Variants in LOXHD1 observed in about 807,000 individuals in gnomAD.
LOXHD1 encodes the protein lipoxygenase homology PLAT domains 1.
Under a neutral mutation model 248.2 loss-of-function variants are expected in LOXHD1, and 205 were observed. That is an observed-to-expected ratio of 0.83 (90% CI 0.74 to 0.93). The LOEUF is 0.93. LOXHD1 is among the 40% of genes least tolerant of loss of function. The probability of loss-of-function intolerance (pLI) is 0.00; values close to 1 mark genes in which losing one functional copy is unlikely to be tolerated. For missense variants in LOXHD1, 2,930 were observed against 2,971.6 expected (o/e 0.99, Z 0.33); for synonymous variants, 1,113 against 1,162.8 (o/e 0.96, Z 0.87).
chr18:46,557,533 TC>T (rs1379192032), intron 20 of LOXHD1, 44 bp from the exon 21 acceptor site: 2 of 1,549,378 alleles, frequency 1.3e-6, no homozygotes, highest in Admixed American at 3.9e-5. Flanking sequence ...GACCTACCCC[TC>T]CCCACATGGC....
chr18:46,582,287 A>T (rs2037978632), intron 12 of LOXHD1, among the ~76,000 whole-genome samples: 1 of 152,208 alleles, frequency 6.6e-6, no homozygotes, highest in Admixed American at 6.5e-5. Flanking sequence ...GAAGGGGAAG[A>T]GAACAAACCT....
intron 4 of LOXHD1, among the ~76,000 whole-genome samples, chr18:46,633,380 A>G (rs1041092747): frequency 1.3e-5 from 2 of 152,224 alleles, no homozygotes; most frequent in Admixed American, 6.5e-5. Flanking sequence ...AGGAAGGGAC[A>G]GTCTTTTCAA....
intron 18 of LOXHD1, among the ~76,000 whole-genome samples, chr18:46,561,034 T>G (rs2037519277): frequency 6.6e-6 from 1 of 152,164 alleles, no homozygotes; most frequent in South Asian, 2.1e-4. Context: ...AAATTTTCAG[T>G]GTTAACCGTA....
intron 37 of LOXHD1, among the ~76,000 whole-genome samples, chr18:46,496,684 G>C (rs1351033533): frequency 2.0e-5 from 3 of 152,176 alleles, no homozygotes; most frequent in African/African-American, 7.2e-5. Context: ...CCTGAACCTA[G>C]TATCTCAACC....
intron 37 of LOXHD1, among the ~76,000 whole-genome samples, chr18:46,504,582 A>G (rs2034443587): frequency 6.6e-6 from 1 of 152,228 alleles, no homozygotes; most frequent in Non-Finnish European, 1.5e-5. Context: ...AGGCTATTTT[A>G]TCAATGCCTA....
At chr18:46,624,274 G>C (rs1227898469) in intron 4 of LOXHD1, among the ~76,000 whole-genome samples, 1 of 152,202 alleles carries the variant, frequency 6.6e-6, no homozygotes, top group African/African-American at 2.4e-5. Flanking sequence ...GATATCACAG[G>C]CGCTGCGTAG....
In LOXHD1 at chr18:46,484,961, C is replaced by T. The variant is rs967760527; in HGVS notation, c.6182+58G>A. On this transcript the variant is annotated intron_variant, in intron 39 of 40. Transcript: ENST00000642948. ...GGCTCCCACCCAAGAGGGAGATTCT[C>T]GGGGTCCTCCCTTACCTACCCACCC... 1.7e-5 allele frequency: 26 copies of T among 1,533,034 alleles called. No homozygotes were observed. The African/African-American group carries it at 2.7e-4, about 16-fold the overall frequency. 95.0% of individuals were successfully genotyped at this position (1,533,034 alleles called of 1,614,324 possible).
intron 4 of LOXHD1, among the ~76,000 whole-genome samples, chr18:46,626,008 T>G (rs762803588): frequency 6.6e-6 from 1 of 152,228 alleles, no homozygotes; most frequent in Non-Finnish European, 1.5e-5. Flanking sequence ...CCAGCCTTCC[T>G]GGAGGGCAGG....
At chr18:46,616,154 A>G (rs763975543) in intron 5 of LOXHD1, among the ~76,000 whole-genome samples, 1 of 152,194 alleles carries the variant, frequency 6.6e-6, no homozygotes, top group Non-Finnish European at 1.5e-5. Context: ...ACTCTGTTCT[A>G]TTTATTAATA....
chr18:46,519,124 G>C (rs2035431993), intron 33 of LOXHD1: 2 of 981,504 alleles, frequency 2.0e-6, no homozygotes, highest in Non-Finnish European at 2.4e-6. Context: ...TGATGTTCTA[G>C]AATGTTCTTT....
intron 12 of LOXHD1, among the ~76,000 whole-genome samples, chr18:46,580,199 T>A (rs2037936684): frequency 6.6e-6 from 1 of 152,254 alleles, no homozygotes; most frequent in African/African-American, 2.4e-5. Context: ...GGGACTCTGA[T>A]GGAGCTGGCC....
chr18:46,486,641 A>T (rs1322625344), intron 38 of LOXHD1, among the ~76,000 whole-genome samples: 1 of 152,098 alleles, frequency 6.6e-6, no homozygotes. Flanking sequence ...GGTACTGGTG[A>T]ATTCAAAGAG....
At chr18:46,557,585 A>G in intron 20 of LOXHD1, 96 bp from the exon 21 acceptor site, 1 of 1,459,478 alleles carries the variant, frequency 6.9e-7, no homozygotes, top group Non-Finnish European at 9.3e-7. Flanking sequence ...AGCCAGCCAG[A>G]GGCCAATGGT....
chr18:46,522,162 C>T lies in LOXHD1; in HGVS notation c.5024G>A (p.Arg1675His), dbSNP rs373300062. Residue 1675 changes from arginine to histidine, a missense_variant, in exon 32 of 41, where the codon CGT (arginine) becomes CAT (histidine). Coordinates refer to ENST00000642948, the MANE Select transcript of LOXHD1 (RefSeq NM_001384474.1). ...DYPRGKRGFS[R>H]GSVEEFYVAG... ...GACGTAGAACTCCTCCACAGAGCCACGGCTGAAGCCCCTCTTCCCTCGGGG... is the reference window on the plus strand; with the variant it reads ...GACGTAGAACTCCTCCACAGAGCCATGGCTGAAGCCCCTCTTCCCTCGGGG... 107 of 1,551,590 alleles carry T rather than the reference C, an allele frequency of 6.9e-5. No homozygotes were observed. In the African/African-American group the frequency reaches 1.1e-3, roughly 15 times the overall value.
intron 2 of LOXHD1, among the ~76,000 whole-genome samples, chr18:46,643,207 G>A (rs1019966708): frequency 6.6e-6 from 1 of 152,148 alleles, no homozygotes; most frequent in Non-Finnish European, 1.5e-5. Flanking sequence ...CCTTGTCAGG[G>A]AAAAGAGACC....
At chr18:46,549,342 T>G (rs2036985279) in intron 21 of LOXHD1, among the ~76,000 whole-genome samples, 1 of 85,562 alleles carries the variant, frequency 1.2e-5, no homozygotes, top group South Asian at 4.0e-4. Context: ...CACTTGAAAG[T>G]AAAAAATGGA....
intron 2 of LOXHD1, 115 bp downstream of exon 2, chr18:46,649,040 A>T (rs1215486875): frequency 1.2e-6 from 1 of 831,690 alleles, no homozygotes; most frequent in Non-Finnish European, 2.0e-6. Context: ...ATACCACTTA[A>T]TAACCTGTGG....
In LOXHD1 at chr18:46,547,038, C is replaced by T. The variant is rs762111513; in HGVS notation, c.3371G>A (p.Arg1124His). ...ATCATCTTCCTCCACTGCCAGCCAACGTTGGCATGGAAAGTAGTACCTGTG... is the reference window on the plus strand; with the variant it reads ...ATCATCTTCCTCCACTGCCAGCCAATGTTGGCATGGAAAGTAGTACCTGTG... ...NEITYYFPCQRWLAVEEDDGQ... is the reference protein window; with the variant it reads ...NEITYYFPCQHWLAVEEDDGQ... The change falls in exon 22 of 41, where the codon CGT becomes CAT. Residue 1124 changes from arginine (R) to histidine (H), a missense_variant. Physicochemically the swap from Arg to His is conservative, Grantham distance 29 (BLOSUM62 0). Transcript: ENST00000642948. The T allele has an allele frequency of 4.1e-5, 63 of 1,551,754 alleles. No individual in the cohort carries two copies. In the East Asian group the frequency reaches 6.8e-4, roughly 17 times the overall value.
intron 33 of LOXHD1, chr18:46,518,991 G>A (rs535935890): frequency 1.0e-6 from 1 of 985,498 alleles, no homozygotes; most frequent in African/African-American, 1.7e-5. Flanking sequence ...CAAAGAGAAT[G>A]TCTGCCCTCT....
Sources: gnomAD v4.1 joint callset for allele counts (sites outside exome capture counted in the v4.1 genomes callset) on GRCh38, gnomAD v4.1.1 for gene constraint, MANE v1.5 for transcripts, NCBI Gene and HGNC (gene_info 2026-07-23, HGNC 2026-07-21) for gene names.